The following JUP variants were observed in gnomAD, a reference collection of about 807,000 sequenced individuals.
JUP encodes catenin (cadherin-associated protein), gamma 80kDa.
Under a neutral mutation model 71.1 loss-of-function variants are expected in JUP, and 28 were observed. The ratio of observed to expected loss-of-function variants is 0.39; its 90% CI spans 0.29 to 0.54. JUP has a LOEUF of 0.54. Ranked by LOEUF, JUP falls within the 20% of genes least tolerant of loss-of-function variation. JUP has a pLI of 0.62. For missense variants in JUP, 869 were observed against 1,030.1 expected (o/e 0.84, Z 2.14); for synonymous variants, 401 against 438.9 (o/e 0.91, Z 1.08).
At chr17:41,773,103 C>A in intron 1 of JUP, 1 of 579,140 alleles carries the variant, frequency 1.7e-6, no homozygotes, top group Non-Finnish European at 2.2e-6. Context: ...GTGAGGGCAC[C>A]AAGGTCTGTA....
In JUP at chr17:41,772,251, G is replaced by T. The variant is rs982536279; in HGVS notation, c.-8-389C>A. 4.0e-5 allele frequency: 14 copies of T among 349,710 alleles called. No homozygotes were observed. The East Asian group carries it at 9.3e-4, about 23-fold the overall frequency. The allele number at this position is 349,710 out of a possible 1,614,324, so 21.7% of individuals were successfully genotyped here. On this transcript the variant is annotated intron_variant, in intron 1 of 13. Coordinates refer to ENST00000393931, the MANE Select transcript of JUP (RefSeq NM_002230.4). The stretch of plus-strand genomic sequence containing the variant: ...GAGAAGGCACTCAGGGCTTCTAGCA[G>T]CTTCTGAGGTCCCCTGGGCCCACCC...
At chr17:41,764,305 C>T (rs1017418715) in intron 7 of JUP, among the ~76,000 whole-genome samples, 6 of 152,204 alleles carry the variant, frequency 3.9e-5, no homozygotes, top group Non-Finnish European at 5.9e-5. Flanking sequence ...GAGGCCAAGG[C>T]GGGTGGATCA....
chr17:41,776,290 T>C (rs1166689742), intron 1 of JUP, among the ~76,000 whole-genome samples: 1 of 152,238 alleles, frequency 6.6e-6, no homozygotes, highest in African/African-American at 2.4e-5. Context: ...GGGCTCAATT[T>C]CCTTAAGCCT....
chr17:41,777,324 G>A (rs1242848769), intron 1 of JUP, among the ~76,000 whole-genome samples: 7 of 121,858 alleles, frequency 5.7e-5, no homozygotes, highest in African/African-American at 2.3e-4. Flanking sequence ...GGGGGAAGCT[G>A]GGCTCAGCAG....
chr17:41,778,013 C>T (rs868988476), intron 1 of JUP, among the ~76,000 whole-genome samples: 8 of 152,294 alleles, frequency 5.3e-5, no homozygotes, highest in Admixed American at 2.0e-4. Flanking sequence ...AAAAGGTTGA[C>T]GTGTGTTGGT....
intron 2 of JUP, among the ~76,000 whole-genome samples, chr17:41,770,641 C>T (rs1555606460): frequency 6.6e-6 from 1 of 152,210 alleles, no homozygotes; most frequent in African/African-American, 2.4e-5. Context: ...ACCCACAGCC[C>T]ACCCCCTGGC....
intron 13 of JUP, 36 bp downstream of exon 13, chr17:41,756,139 A>T (rs782031395): frequency 1.2e-6 from 2 of 1,603,966 alleles, no homozygotes; most frequent in Non-Finnish European, 1.7e-6. Flanking sequence ...GCCGCCCAGG[A>T]TCTCCAGGGT....
intron 13 of JUP, 84 bp downstream of exon 13, chr17:41,756,091 C>T (rs1387782630): frequency 1.1e-5 from 16 of 1,426,976 alleles, no homozygotes; most frequent in East Asian, 9.2e-5. Context: ...CCTCTGGCCC[C>T]GGAGACATAA....
At chr17:41,766,126 C>T (rs1915673410) in intron 5 of JUP, among the ~76,000 whole-genome samples, 1 of 152,038 alleles carries the variant, frequency 6.6e-6, no homozygotes, top group South Asian at 2.1e-4. Flanking sequence ...GTAGTATGTT[C>T]TCATAGTCCT....
At chr17:41,771,521 T>G in intron 2 of JUP, 126 bp downstream of exon 2, 1 of 844,106 alleles carries the variant, frequency 1.2e-6, no homozygotes, top group Non-Finnish European at 1.9e-6. Flanking sequence ...GGGCCCCTAG[T>G]TAGCATGAGC....
At chr17:41,758,061 G>GT (rs1261203669) in intron 10 of JUP, 4 of 548,432 alleles carry the variant, frequency 7.3e-6, no homozygotes, top group Non-Finnish European at 1.3e-5. Context: ...GTCTGTTATG[G>GT]TACTTGCACA....
chr17:41,780,697 A>C (rs1463085704), intron 1 of JUP, among the ~76,000 whole-genome samples: 1 of 59,952 alleles, frequency 1.7e-5, no homozygotes, highest in African/African-American at 7.5e-5. Flanking sequence ...TCCATCTCAA[A>C]AAACAAACCA....
intron 1 of JUP, among the ~76,000 whole-genome samples, chr17:41,780,684 G>C (rs1400288134): frequency 6.9e-6 from 1 of 145,228 alleles, no homozygotes; most frequent in Non-Finnish European, 1.5e-5. Context: ...GACAGAGCAG[G>C]ACTCCATCTC....
chr17:41,769,345 T>G, intron 3 of JUP, 73 bp downstream of exon 3: 1 of 1,576,974 alleles, frequency 6.3e-7, no homozygotes, highest in Non-Finnish European at 8.6e-7. Flanking sequence ...ACCCCTACAA[T>G]GTCCCTCCCC....
chr17:41,772,005 G>A (rs1460445469), intron 1 of JUP, 143 bp from the exon 2 acceptor site: 10 of 827,552 alleles, frequency 1.2e-5, no homozygotes, highest in Non-Finnish European at 1.8e-5. Flanking sequence ...TGGGGATGGG[G>A]GGACTGCCCA....
At chr17:41,778,303 C>G (rs373632658) in intron 1 of JUP, among the ~76,000 whole-genome samples, 3 of 152,236 alleles carry the variant, frequency 2.0e-5, no homozygotes, top group African/African-American at 7.2e-5. Context: ...AGTGGCTCAC[C>G]CCTGTAATCC....
intron 1 of JUP, among the ~76,000 whole-genome samples, chr17:41,775,628 G>A (rs1200756245): frequency 2.0e-5 from 3 of 152,216 alleles, no homozygotes; most frequent in Non-Finnish European, 4.4e-5. Context: ...GACGGGCAGG[G>A]ACAGAGACAG....
rs146351014 is a variant in JUP at position 41,782,424 on chromosome 17, G to A, written c.-9+4164C>T. 7.2e-4 allele frequency among the ~76,000 whole-genome samples: 110 copies of A among 152,208 alleles called. 1 individual carries two copies. The East Asian group carries it at 0.017, about 24-fold the overall frequency. ...GGCCTAAATCGGACTCTCGTTTCTC[G>A]CCAATCCCCACAGGGCAGCACCCCT... is the stretch of plus-strand genomic sequence containing the variant. On this transcript the variant is annotated intron_variant, in intron 1 of 13. Coordinates refer to ENST00000393931, the MANE Select transcript of JUP (RefSeq NM_002230.4).
intron 3 of JUP, 29 bp from the exon 4 acceptor site, chr17:41,769,236 T>C (rs781848759): frequency 4.4e-6 from 7 of 1,592,900 alleles, no homozygotes; most frequent in South Asian, 1.1e-5. Context: ...GGCGGGGACG[T>C]GAGCACTAAG....
Sources: gnomAD v4.1 joint callset for allele counts (sites outside exome capture counted in the v4.1 genomes callset) on GRCh38, gnomAD v4.1.1 for gene constraint, MANE v1.5 for transcripts, NCBI Gene and HGNC (gene_info 2026-07-23, HGNC 2026-07-21) for gene names.